SEPTIN9: variants seen among roughly 807,000 people sequenced by gnomAD.
The protein encoded by SEPTIN9 is septin-9.
A neutral mutation model predicts 56.6 loss-of-function variants in SEPTIN9; 13 were observed. The observed-to-expected ratio is 0.23, with a 90% CI of 0.15 to 0.37. The LOEUF (loss-of-function observed/expected upper bound fraction) is 0.37. SEPTIN9 is among the 10% of genes least tolerant of loss of function. The probability of loss-of-function intolerance (pLI) is 1.00; values close to 1 mark genes in which losing one functional copy is unlikely to be tolerated. For synonymous variants in SEPTIN9, 332 were observed against 334.1 expected (o/e 0.99, Z 0.07); for missense variants, 650 against 823.1 (o/e 0.79, Z 2.57).
intron 4 of SEPTIN9, among the ~76,000 whole-genome samples, chr17:77,486,430 A>G (rs1042577351): frequency 1.3e-5 from 2 of 151,822 alleles, no homozygotes; most frequent in Non-Finnish European, 2.9e-5. Context: ...GTGTGTTGCT[A>G]GCGTAGCCCA....
At chr17:77,481,458 C>T (rs1316736480) in intron 3 of SEPTIN9, among the ~76,000 whole-genome samples, 1 of 152,178 alleles carries the variant, frequency 6.6e-6, no homozygotes, top group Non-Finnish European at 1.5e-5. Flanking sequence ...CCGCCCTGCA[C>T]CCAGCACTTT....
intron 2 of SEPTIN9, among the ~76,000 whole-genome samples, chr17:77,316,372 T>C (rs779519590): frequency 6.6e-5 from 10 of 152,310 alleles, no homozygotes; most frequent in Non-Finnish European, 1.5e-4. Flanking sequence ...CCATTTCAAG[T>C]GATCCCCCGC....
intron 8 of SEPTIN9, 61 bp downstream of exon 8, chr17:77,490,920 G>C: frequency 7.8e-7 from 1 of 1,287,080 alleles, no homozygotes; most frequent in Non-Finnish European, 1.1e-6. Context: ...CTGCAGGCCT[G>C]GCAGGGGCCA....
intron 3 of SEPTIN9, among the ~76,000 whole-genome samples, chr17:77,420,883 T>G (rs966772852): frequency 6.6e-6 from 1 of 152,230 alleles, no homozygotes; most frequent in Non-Finnish European, 1.5e-5. Context: ...TGGCTTTCAC[T>G]TACCCCTTGC....
At chr17:77,320,745 G>A (rs2032885688) in intron 2 of SEPTIN9, among the ~76,000 whole-genome samples, 2 of 152,216 alleles carry the variant, frequency 1.3e-5, no homozygotes, top group African/African-American at 4.8e-5. Context: ...TGTGTGGTTT[G>A]TTTTTTGCTT....
At chr17:77,455,886 C>T (rs192616611) in intron 3 of SEPTIN9, among the ~76,000 whole-genome samples, 23 of 152,310 alleles carry the variant, frequency 1.5e-4, no homozygotes, top group Admixed American at 1.3e-3. Context: ...TCTCCCTGCA[C>T]GCTCCGCACA....
intron 2 of SEPTIN9, among the ~76,000 whole-genome samples, chr17:77,314,930 G>A (rs1228888184): frequency 6.6e-6 from 1 of 152,200 alleles, no homozygotes; most frequent in African/African-American, 2.4e-5. Context: ...TGCCCAGGAT[G>A]GTGCACCTGG....
intron 2 of SEPTIN9, among the ~76,000 whole-genome samples, chr17:77,354,104 G>A (rs1390007137): frequency 1.3e-5 from 2 of 152,160 alleles, no homozygotes; most frequent in Non-Finnish European, 2.9e-5. Context: ...GGTGTACCAA[G>A]CTCTGCTTTA....
At chr17:77,375,682 C>G (rs930037988) in intron 2 of SEPTIN9, 1 of 152,800 alleles carries the variant, frequency 6.5e-6, no homozygotes, top group East Asian at 1.9e-4. Context: ...TTCTCAGTCT[C>G]GGGGAGTGGG....
chr17:77,498,843 G>T lies in SEPTIN9; in HGVS notation c.*185G>T. The T allele has an allele frequency of 1.6e-6, 1 of 627,614 alleles. No individual in the cohort carries two copies. Among genetic ancestry groups the T allele is most frequent in the Non-Finnish European group, 3.0e-6 (1 of 337,560 alleles). 38.9% of individuals were successfully genotyped at this position (627,614 alleles called of 1,614,324 possible). A position where few individuals can be genotyped will look rare whatever the true frequency, so the allele number is the denominator to read the frequency against. Reference sequence around the variant, plus strand: ...CGAGTGAGTCAGTGATGAGGCCGCGGCCTCCCCGAGGTTGTGGGGAGGCTG... The same window carrying T: ...CGAGTGAGTCAGTGATGAGGCCGCGTCCTCCCCGAGGTTGTGGGGAGGCTG... On this transcript the variant is annotated 3_prime_UTR_variant, in exon 12 of 12. Coordinates refer to ENST00000427177, the MANE Select transcript of SEPTIN9 (RefSeq NM_001113491.2).
chr17:77,295,743 TAGAC>T (rs1439379141), intron 1 of SEPTIN9, among the ~76,000 whole-genome samples: 1 of 152,048 alleles, frequency 6.6e-6, no homozygotes, highest in Non-Finnish European at 1.5e-5. Flanking sequence ...TCCCTGCTGT[TAGAC>T]AGGAAGAGGA....
chr17:77,453,652 G>A lies in SEPTIN9; in HGVS notation c.722-28492G>A, dbSNP rs986240195. 1.1e-4 allele frequency among the ~76,000 whole-genome samples: 17 copies of A among 148,406 alleles called. 2 individuals carry two copies. Among genetic ancestry groups the A allele is most frequent in the Admixed American group, 1.0e-3 (15 of 14,882 alleles). On this transcript the variant is annotated intron_variant, in intron 3 of 11. Coordinates refer to ENST00000427177, the MANE Select transcript of SEPTIN9 (RefSeq NM_001113491.2). The surrounding 1 kb of genome is among the most constrained non-coding windows in gnomAD (Gnocchi z 4.4). ...TATCTGGGCCTGGGATCTGTCCTCCGAACACTGGGTCCACTGTGCTCCACA... is the reference window on the plus strand; with the variant it reads ...TATCTGGGCCTGGGATCTGTCCTCCAAACACTGGGTCCACTGTGCTCCACA...
In SEPTIN9 at chr17:77,285,260, C is replaced by T. The variant is rs182303648; in HGVS notation, c.19+3706C>T. 5.7e-4 allele frequency among the ~76,000 whole-genome samples: 87 copies of T among 152,282 alleles called. 1 individual carries two copies. The East Asian group carries it at 7.7e-3, about 13-fold the overall frequency. On this transcript the variant is annotated intron_variant, in intron 1 of 11. Coordinates refer to ENST00000427177, the MANE Select transcript of SEPTIN9 (RefSeq NM_001113491.2). ...TACTAGGTCACATGGAACTTGCCGT[C>T]ATTCCCAGGCTCCCCTGGAAACTCT...
In SEPTIN9 at chr17:77,434,432, C is replaced by T. The variant is rs190496259; in HGVS notation, c.721+31729C>T. ...CCATGGCTCCCTCGTCCTGCACATC[C>T]TTCCCTTGTTGTGTTGTCTCGCTAG... On this transcript the variant is annotated intron_variant, in intron 3 of 11. Coordinates refer to ENST00000427177, the MANE Select transcript of SEPTIN9 (RefSeq NM_001113491.2). This position sits in a 1 kb window ranked among gnomAD's most constrained non-coding sequence, Gnocchi z 5.0. 6.6e-6 allele frequency among the ~76,000 whole-genome samples: 1 copy of T among 152,296 alleles called. No homozygotes were observed. The highest frequency in any genetic ancestry group is 1.5e-5 in the Non-Finnish European group (1 of 68,026).
At chr17:77,392,617 A>G (rs1262475826) in intron 2 of SEPTIN9, among the ~76,000 whole-genome samples, 1 of 151,020 alleles carries the variant, frequency 6.6e-6, no homozygotes, top group Admixed American at 6.6e-5. Context: ...TGGCCCAGCC[A>G]GGCCTGGCCT....
chr17:77,461,899 C>G (rs932856150), intron 3 of SEPTIN9, among the ~76,000 whole-genome samples: 2 of 152,132 alleles, frequency 1.3e-5, no homozygotes, highest in African/African-American at 4.8e-5. Context: ...GTTCCAGTCC[C>G]GAGACCCAGG....
chr17:77,481,979 C>A, intron 3 of SEPTIN9, 165 bp from the exon 4 acceptor site: 1 of 647,508 alleles, frequency 1.5e-6, no homozygotes, highest in Non-Finnish European at 2.6e-6. Flanking sequence ...CGGCCAGGGA[C>A]ATCCACCCGG....
chr17:77,480,869 T>C (rs1342442487), intron 3 of SEPTIN9, among the ~76,000 whole-genome samples: 2 of 152,012 alleles, frequency 1.3e-5, no homozygotes, highest in Admixed American at 6.5e-5. Flanking sequence ...AGGGCCTGGA[T>C]GGGCCCAAGC....
chr17:77,465,893 T>C (rs546173460), intron 3 of SEPTIN9, among the ~76,000 whole-genome samples: 1 of 151,714 alleles, frequency 6.6e-6, no homozygotes, highest in Admixed American at 6.6e-5. Flanking sequence ...CTGGGGGAAG[T>C]GACTTTTATT....
Sources: allele counts gnomAD v4.1 joint callset (sites outside exome capture counted in the v4.1 genomes callset), GRCh38; gene constraint gnomAD v4.1.1; non-coding constraint Gnocchi (gnomAD v3.1); transcripts MANE v1.5; gene names NCBI Gene and HGNC (gene_info 2026-07-23, HGNC 2026-07-21).